OSMR: variants seen among roughly 807,000 people sequenced by gnomAD.
The protein encoded by OSMR is oncostatin-M-specific receptor subunit beta.
Under a neutral mutation model 99.9 loss-of-function variants are expected in OSMR, and 81 were observed. That is an observed-to-expected ratio of 0.81 (90% CI 0.68 to 0.97). The LOEUF is 0.97. Ranked by LOEUF, OSMR falls within the 50% of genes least tolerant of loss-of-function variation. The probability of loss-of-function intolerance (pLI) is 0.00; values close to 1 mark genes in which losing one functional copy is unlikely to be tolerated. For missense variants in OSMR, 1,099 were observed against 1,153.4 expected, an observed-to-expected ratio of 0.95 and a Z score of 0.68; for synonymous variants, 406 against 410.4, an observed-to-expected ratio of 0.99 and a Z score of 0.13.
At chr5:38,916,235 T>A (rs974409175) in intron 9 of OSMR, among the ~76,000 whole-genome samples, 3 of 152,252 alleles carry the variant, frequency 2.0e-5, no homozygotes, top group Non-Finnish European at 2.9e-5. Context: ...TAAATTGCAA[T>A]GATTTCATTA....
chr5:38,884,262 T>C, intron 5 of OSMR, 151 bp downstream of exon 5: 1 of 740,076 alleles, frequency 1.4e-6, no homozygotes, highest in Non-Finnish European at 2.4e-6. Flanking sequence ...GAAGTCGATG[T>C]CCTTTAGTAA....
intron 1 of OSMR, among the ~76,000 whole-genome samples, chr5:38,855,712 G>A (rs1368061562): frequency 3.2e-4 from 13 of 40,946 alleles, no homozygotes; most frequent in Non-Finnish European, 5.0e-4. Context: ...CACTGCCACC[G>A]CCACACCCCC....
At chr5:38,930,498 G>A (rs753263698) in intron 15 of OSMR, among the ~76,000 whole-genome samples, 32 of 152,164 alleles carry the variant, frequency 2.1e-4, no homozygotes, top group Non-Finnish European at 1.6e-4. Context: ...GGGAGGGCAG[G>A]GGAGGCAAAT....
At chr5:38,854,021 A>G (rs1313471139) in intron 1 of OSMR, among the ~76,000 whole-genome samples, 1 of 152,042 alleles carries the variant, frequency 6.6e-6, no homozygotes, top group Non-Finnish European at 1.5e-5. Flanking sequence ...GGGCTCTCAA[A>G]TATATAACTG....
intron 1 of OSMR, among the ~76,000 whole-genome samples, chr5:38,868,496 G>A (rs759449013): frequency 3.9e-5 from 6 of 152,210 alleles, no homozygotes; most frequent in Non-Finnish European, 7.4e-5. Flanking sequence ...TGCTATTCTC[G>A]TGATAGTTAA....
At position 38,918,903 on chromosome 5, in the gene OSMR, G is replaced by A. The variant is rs146095971; in HGVS notation, c.1426G>A (p.Asp476Asn). The A allele has an allele frequency of 1.2e-5, 19 of 1,613,884 alleles. No individual in the cohort carries two copies. The African/African-American group carries it at 2.5e-4, about 22-fold the overall frequency. Reference protein sequence around the residue: ...LFYNVVVENLDKPSSSELHSI... With the variant: ...LFYNVVVENLNKPSSSELHSI... ...CTATAATGTAGTTGTAGAAAACCTA[G>A]ACAAACCATCCAGTTCAGAGCTCCA... Residue 476 changes from aspartate to asparagine, a missense_variant, in exon 11 of 18, where the codon GAC becomes AAC. Physicochemically the swap from Asp to Asn is conservative, Grantham distance 23. Transcript: ENST00000274276.
At chr5:38,888,215 C>A (rs1371326013) in intron 7 of OSMR, among the ~76,000 whole-genome samples, 1 of 152,142 alleles carries the variant, frequency 6.6e-6, no homozygotes, top group East Asian at 1.9e-4. Context: ...TCACATAGCA[C>A]AGGGAAAAAC....
At chr5:38,869,826 G>GT (rs766492079) in intron 2 of OSMR, among the ~76,000 whole-genome samples, 4 of 151,910 alleles carry the variant, frequency 2.6e-5, no homozygotes, top group Non-Finnish European at 5.9e-5. Context: ...ATAATTTTTT[G>GT]TATCTTTCAT....
At chr5:38,860,637 T>C (rs910480428) in intron 1 of OSMR, among the ~76,000 whole-genome samples, 1 of 152,154 alleles carries the variant, frequency 6.6e-6, no homozygotes, top group African/African-American at 2.4e-5. Flanking sequence ...ACTTTGAGAA[T>C]TGGTGTTAGT....
Position 38,874,841 on chromosome 5 carries a change from G to C in OSMR, c.74-1360G>C, listed in dbSNP as rs16867795. Among the ~76,000 whole-genome samples, 350 of 152,244 alleles carry C rather than the reference G, an allele frequency of 2.3e-3. 8 individuals carry two copies. The East Asian group carries it at 0.027, about 12-fold the overall frequency. ...GAGTTTCCTTATCTAAAAAATTGCT[G>C]TCTAACAGTTTTATAGTAGGCATTG... On this transcript the variant is annotated intron_variant, in intron 2 of 17. Coordinates refer to ENST00000274276, the MANE Select transcript of OSMR (RefSeq NM_003999.3).
At chr5:38,919,164 A>G in intron 11 of OSMR, 102 bp downstream of exon 11, 5 of 1,551,380 alleles carry the variant, frequency 3.2e-6, no homozygotes, top group Non-Finnish European at 4.4e-6. Flanking sequence ...ACTTAGGAAG[A>G]CAAAATGTCT....
In OSMR at chr5:38,848,423, T is replaced by A. The variant is rs145546791; in HGVS notation, c.-14+2036T>A. 4.6e-3 allele frequency among the ~76,000 whole-genome samples: 702 copies of A among 152,330 alleles called. 2 individuals carry two copies. Among genetic ancestry groups the A allele is most frequent in the African/African-American group, 0.016 (656 of 41,574 alleles). On this transcript the variant is annotated intron_variant, in intron 1 of 17. Coordinates refer to ENST00000274276, the MANE Select transcript of OSMR (RefSeq NM_003999.3). Reference sequence around the variant, plus strand: ...AGCCTTCCTTCCCTCCTCATTTTAGTTGTACTGGTCGCTCTGCATTTGTGC... The same window carrying A: ...AGCCTTCCTTCCCTCCTCATTTTAGATGTACTGGTCGCTCTGCATTTGTGC...
exon 3 of OSMR, chr5:38,945,100 C>T (rs768297279): frequency 1.4e-6 from 2 of 1,473,582 alleles, no homozygotes; most frequent in Non-Finnish European, 1.9e-6. Context: ...TCAATTAAAG[C>T]ACCATAACGG....
intron 7 of OSMR, among the ~76,000 whole-genome samples, chr5:38,903,529 T>G (rs1390073966): frequency 1.3e-5 from 2 of 152,248 alleles, no homozygotes; most frequent in Middle Eastern, 3.2e-3. Flanking sequence ...GATTATATCC[T>G]TGACATTGTT....
At chr5:38,935,836 A>AACTT (rs1324147008), downstream of OSMR, among the ~76,000 whole-genome samples, 2 of 151,708 alleles carry the variant, frequency 1.3e-5, no homozygotes, top group African/African-American at 2.4e-5. Context: ...CTACACACTA[A>AACTT]ACTTTGAGAA....
Position 38,876,332 on chromosome 5 carries a change from A to G in OSMR, c.205A>G (p.Ile69Val). The G allele has an allele frequency of 6.2e-7, 1 of 1,613,568 alleles. No homozygotes were observed. The highest frequency in any genetic ancestry group is 8.5e-7 in the Non-Finnish European group (1 of 1,179,564). ...TCAGGAATTGAAAATGGTATTTCAG[A>G]TCCAGATCAGTAGGATTGAAACATC... ...YHQELKMVFQ[I>V]QISRIETSNV... Residue 69 changes from isoleucine (I) to valine (V), a missense_variant, in exon 3 of 18, where the codon ATC becomes GTC. Transcript: ENST00000274276.
intron 13 of OSMR, among the ~76,000 whole-genome samples, chr5:38,923,665 TACC>T (rs2112661298): frequency 6.6e-6 from 1 of 152,324 alleles, no homozygotes; most frequent in South Asian, 2.1e-4. Flanking sequence ...CTAGAAATGT[TACC>T]ACTGTCCCCC....
chr5:38,933,397 A>G lies in OSMR; in HGVS notation c.2893A>G (p.Ser965Gly). 1 of 1,614,014 alleles carries G rather than the reference A, an allele frequency of 6.2e-7. No individual in the cohort carries two copies. The highest frequency in any genetic ancestry group is 8.5e-7 in the Non-Finnish European group (1 of 1,179,898). Residue 965 changes from serine (S) to glycine (G), a missense_variant, in exon 18 of 18, where the codon AGC becomes GGC. Coordinates refer to ENST00000274276, the MANE Select transcript of OSMR (RefSeq NM_003999.3). ...LALPPPTENSSLSSITLLDPG... is the reference protein window; with the variant it reads ...LALPPPTENSGLSSITLLDPG... ...CTTGCCTCCCCCGACCGAGAATAGC[A>G]GCCTCTCCTCAATTACCCTTTTAGA...
Position 38,876,409 on chromosome 5 carries a change from A to G in OSMR, c.246+36A>G, listed in dbSNP as rs547158779. 199 of 1,574,078 alleles carry G rather than the reference A, an allele frequency of 1.3e-4. 1 individual carries two copies. The highest frequency in any genetic ancestry group is 1.1e-3 in the South Asian group (97 of 88,966). On this transcript the variant is annotated intron_variant, in intron 3 of 17. Coordinates refer to ENST00000274276, the MANE Select transcript of OSMR (RefSeq NM_003999.3). Reference sequence around the variant, plus strand: ...TTTTTGGCTCAATATTTAAAAAATCATCTTTAAAAAAAGACACCTTGGTTT... The same window carrying G: ...TTTTTGGCTCAATATTTAAAAAATCGTCTTTAAAAAAAGACACCTTGGTTT...
Sources: gnomAD v4.1 joint callset for allele counts (sites outside exome capture counted in the v4.1 genomes callset) on GRCh38, gnomAD v4.1.1 for gene constraint, MANE v1.5 for transcripts, NCBI Gene and HGNC (gene_info 2026-07-23, HGNC 2026-07-21) for gene names.